The following MACF1 variants were observed in gnomAD, a reference collection of about 807,000 sequenced individuals.
MACF1 encodes the protein microtubule-actin cross-linking factor 1.
Under a neutral mutation model 854.8 loss-of-function variants are expected in MACF1, and 193 were observed. The ratio of observed to expected loss-of-function variants is 0.23; its 90% CI spans 0.20 to 0.25. MACF1 has a LOEUF of 0.25. MACF1 is among the 10% of genes least tolerant of loss of function. The pLI is 1.00. For missense variants in MACF1, 7,722 were observed against 8,929.1 expected, an observed-to-expected ratio of 0.86 and a Z score of 5.45; for synonymous variants, 3,185 against 3,226.7, an observed-to-expected ratio of 0.99 and a Z score of 0.44.
At position 39,335,787 on chromosome 1, in the gene MACF1, A is replaced by G. The variant is rs1458287387; in HGVS notation, c.9199A>G (p.Lys3067Glu). Residue 3067 changes from lysine to glutamate, a missense_variant, in exon 37 of 101, where the codon AAA becomes GAA. Coordinates refer to ENST00000564288, the MANE Select transcript of MACF1 (RefSeq NM_001394062.1). The stretch of plus-strand genomic sequence containing the variant: ...AGATGCTTTAACACTCTTCAGCTCT[A>G]AACAGGCCAATGAAGGAAAAGTAAA... ...HLDALTLFSSKQANEGKVNNL... is the reference protein window; with the variant it reads ...HLDALTLFSSEQANEGKVNNL... 3.1e-6 allele frequency: 5 copies of G among 1,614,206 alleles called. 1 individual carries two copies. In the South Asian group the frequency reaches 4.4e-5, roughly 14 times the overall value.
chr1:39,166,219 C>A (rs1430001836), intron 2 of MACF1, among the ~76,000 whole-genome samples: 1 of 151,766 alleles, frequency 6.6e-6, no homozygotes, highest in Non-Finnish European at 1.5e-5. Context: ...AGGCGTGTGC[C>A]ACCATGCTGG....
chr1:39,482,177 T>C (rs990730017), intron 99 of MACF1, among the ~76,000 whole-genome samples: 1 of 152,244 alleles, frequency 6.6e-6, no homozygotes, highest in African/African-American at 2.4e-5. Flanking sequence ...CTTATTGGTG[T>C]TCTGTAGCCA....
Position 39,388,393 on chromosome 1 carries a change from G to A in MACF1, c.15551G>A (p.Arg5184Gln), listed in dbSNP as rs1421326730. 7.4e-6 allele frequency: 12 copies of A among 1,614,050 alleles called. No homozygotes were observed. Among genetic ancestry groups the A allele is most frequent in the Middle Eastern group, 1.6e-4 (1 of 6,062 alleles). ...LDIEASEAECRHMLEEEGTLD... is the reference protein window; with the variant it reads ...LDIEASEAECQHMLEEEGTLD... ...ATAGAGGCCTCTGAAGCAGAGTGTC[G>A]ACATATGCTAGAAGAAGAGGGGACT... Residue 5184 changes from arginine to glutamine, a missense_variant, in exon 58 of 101, where the codon CGA becomes CAA. This residue lies in a region of MACF1 where 2,807 missense variants were observed against 3,235.8 expected (regional missense o/e 0.87). Coordinates refer to ENST00000564288, the MANE Select transcript of MACF1 (RefSeq NM_001394062.1).
intron 46 of MACF1, 74 bp downstream of exon 46, chr1:39,358,947 C>T: frequency 6.7e-7 from 1 of 1,502,906 alleles, no homozygotes; most frequent in East Asian, 2.3e-5. Context: ...CAAAATAAAG[C>T]AAATGCTTAC....
intron 99 of MACF1, 87 bp from the exon 100 acceptor site, chr1:39,484,513 TA>T: frequency 1.7e-6 from 2 of 1,150,246 alleles, no homozygotes; most frequent in Non-Finnish European, 2.5e-6. Context: ...TAAGCAAATA[TA>T]AGGAGGTGTA....
chr1:39,442,002 C>T lies in MACF1; in HGVS notation c.18723C>T (p.Pro6241=). Residue 6241 remains proline (P), a synonymous_variant, in exon 75 of 101, where the codon CCC becomes CCT. Coordinates refer to ENST00000564288, the MANE Select transcript of MACF1 (RefSeq NM_001394062.1). ...DNTVIKLCTM[P]PVGTDLNTVK... Reference sequence around the variant, plus strand: ...CTGTGATTAAACTCTGCACCATGCCCCCTGTTGGCACTGACCTCAATACTG... The same window carrying T: ...CTGTGATTAAACTCTGCACCATGCCTCCTGTTGGCACTGACCTCAATACTG... 1 of 1,614,098 alleles carries T rather than the reference C, an allele frequency of 6.2e-7. No individual in the cohort carries two copies. The highest frequency in any genetic ancestry group is 1.3e-5 in the African/African-American group (1 of 75,024).
intron 26 of MACF1, among the ~76,000 whole-genome samples, chr1:39,315,111 T>C (rs1646385213): frequency 6.6e-6 from 1 of 152,238 alleles, no homozygotes; most frequent in African/African-American, 2.4e-5. Context: ...CTAGTCCTTT[T>C]ATCCCCTTTG....
chr1:39,271,885 T>C (rs548438689), intron 6 of MACF1, among the ~76,000 whole-genome samples: 1 of 152,304 alleles, frequency 6.6e-6, no homozygotes, highest in African/African-American at 2.4e-5. Context: ...GTGAGGAGTC[T>C]TAAAGAAAAG....
At position 39,324,743 on chromosome 1, in the gene MACF1, TA is replaced by T. The variant is rs1213046181; in HGVS notation, c.4478+12del. ...GCCAAGCATGGTCATAAGTGAGTAT[TA>T]AATGAGAGATTATGGCACATCTGGG... On this transcript the variant is annotated intron_variant, in intron 35 of 100. Transcript: ENST00000564288. The T allele has an allele frequency of 1.9e-6, 3 of 1,600,702 alleles. No individual in the cohort carries two copies. The highest frequency in any genetic ancestry group is 2.6e-6 in the Non-Finnish European group (3 of 1,168,364).
Position 39,385,441 on chromosome 1 carries a change from T to C in MACF1, c.13856T>C (p.Leu4619Pro). 6.2e-7 allele frequency: 1 copy of C among 1,613,610 alleles called. No homozygotes were observed. Among genetic ancestry groups the C allele is most frequent in the Non-Finnish European group, 8.5e-7 (1 of 1,179,684 alleles). The change falls in exon 57 of 101, where the codon CTA becomes CCA. Residue 4619 changes from leucine (L) to proline (P), a missense_variant. By Grantham distance (98) the Leu-to-Pro change is moderately conservative. Transcript: ENST00000564288. Reference protein sequence around the residue: ...NAQKQQVQFMLKEFEARRQQH... With the variant: ...NAQKQQVQFMPKEFEARRQQH... ...GTGTCATTTCTATTTCAGTTTATGC[T>C]AAAGGAATTTGAAGCACGCAGGCAA...
At chr1:39,306,610 C>CTTTTTTTTTTTTTTTTT (rs35360749) in intron 23 of MACF1, among the ~76,000 whole-genome samples, 1 of 124,512 alleles carries the variant, frequency 8.0e-6, no homozygotes, top group Non-Finnish European at 1.7e-5. Flanking sequence ...ACCATTCTAT[C>CTTTTTTTTTTTTTTTTT]TTTTTTTTTT....
At chr1:39,229,244 A>G (rs1172104602) in intron 1 of MACF1, among the ~76,000 whole-genome samples, 2 of 152,262 alleles carry the variant, frequency 1.3e-5, no homozygotes, top group African/African-American at 4.8e-5. Context: ...AGTTTATAGT[A>G]GGAAGAAAAT....
At chr1:39,375,643 A>C (rs1204878471) in intron 52 of MACF1, among the ~76,000 whole-genome samples, 2 of 152,216 alleles carry the variant, frequency 1.3e-5, no homozygotes, top group African/African-American at 4.8e-5. Flanking sequence ...CATTGTATCC[A>C]GAAAATATGG....
intron 35 of MACF1, among the ~76,000 whole-genome samples, chr1:39,326,390 G>T (rs1368583772): frequency 6.6e-6 from 1 of 152,120 alleles, no homozygotes. Context: ...CTAAGAAAGG[G>T]TCTAAAGCGG....
At position 39,370,060 on chromosome 1, in the gene MACF1, G is replaced by A; in HGVS notation, c.12969G>A (p.Gln4323=). 1 of 1,613,890 alleles carries A rather than the reference G, an allele frequency of 6.2e-7. No individual in the cohort carries two copies. The highest frequency in any genetic ancestry group is 8.5e-7 in the Non-Finnish European group (1 of 1,179,932). ...AAGATGCATCATCTTGCCAGGAACAGTTGGATGAATTCCGGAAGCTGGTCA... is the reference window on the plus strand; with the variant it reads ...AAGATGCATCATCTTGCCAGGAACAATTGGATGAATTCCGGAAGCTGGTCA... ...REKDASSCQE[Q]LDEFRKLVRT... Residue 4323 remains glutamine (Q), a synonymous_variant, in exon 51 of 101, where the codon CAG becomes CAA. Transcript: ENST00000564288.
chr1:39,300,155 T>C (rs1310526059), intron 21 of MACF1, 55 bp from the exon 22 acceptor site: 39 of 1,574,854 alleles, frequency 2.5e-5, no homozygotes, highest in Non-Finnish European at 3.4e-5. Flanking sequence ...TTTGTTGACT[T>C]AGTCACCCTG....
intron 55 of MACF1, 95 bp from the exon 56 acceptor site, chr1:39,381,858 G>A (rs1009140586): frequency 3.5e-6 from 3 of 854,352 alleles, no homozygotes; most frequent in African/African-American, 1.7e-5. Context: ...AACGCTTCTG[G>A]GGTCATTTCC....
At chr1:39,243,402 A>G (rs1476147222) in intron 2 of MACF1, among the ~76,000 whole-genome samples, 1 of 152,136 alleles carries the variant, frequency 6.6e-6, no homozygotes, top group Non-Finnish European at 1.5e-5. Context: ...GGCTGCTTCT[A>G]AAACTTTTTC....
intron 40 of MACF1, among the ~76,000 whole-genome samples, chr1:39,342,539 T>C (rs1387106219): frequency 6.8e-6 from 1 of 146,380 alleles, no homozygotes; most frequent in Non-Finnish European, 1.5e-5. Flanking sequence ...TGGCAAACTT[T>C]TTTTTTTTTT....
Sources: allele counts gnomAD v4.1 joint callset (sites outside exome capture counted in the v4.1 genomes callset), GRCh38; gene constraint gnomAD v4.1.1; regional missense constraint gnomAD v4.1.1; transcripts MANE v1.5; gene names NCBI Gene and HGNC (gene_info 2026-07-23, HGNC 2026-07-21).